The following NEMP2 variants were observed in gnomAD, a reference collection of about 807,000 sequenced individuals.
The protein encoded by NEMP2 is UPF0571 transmembrane protein.
NEMP2 carries 53 observed loss-of-function variants against 54.2 expected under a neutral mutation model. That is an observed-to-expected ratio of 0.98 (90% confidence interval 0.78 to 1.23). The LOEUF is 1.23. Ranked by LOEUF, NEMP2 falls within the 50% of genes most tolerant of loss-of-function variation. The pLI is 0.00. For missense variants in NEMP2, 455 were observed against 511.3 expected, an observed-to-expected ratio of 0.89 and a Z score of 1.06; for synonymous variants, 197 against 190.3, an observed-to-expected ratio of 1.04 and a Z score of -0.29.
the NEMP2 span, among the ~76,000 whole-genome samples, chr2:190,443,751 G>T: frequency 8.8e-3 from 1,338 of 152,212 alleles, 10 homozygotes; most frequent in South Asian, 0.06. This position sits in a 1 kb window ranked among gnomAD's most constrained non-coding sequence, Gnocchi z 4.2. Flanking sequence ...TATAAACAAA[G>T]GTTGTCTTCT....
the NEMP2 span, among the ~76,000 whole-genome samples, chr2:190,440,395 A>T: frequency 6.6e-6 from 1 of 152,226 alleles, no homozygotes; most frequent in Non-Finnish European, 1.5e-5. Context: ...GGCAAATAGG[A>T]TAATAATGCT....
chr2:190,622,177 G>C, the NEMP2 span, among the ~76,000 whole-genome samples: 1 of 152,018 alleles, frequency 6.6e-6, no homozygotes, highest in Non-Finnish European at 1.5e-5. Context: ...CTGATGTTGG[G>C]GGATCACTTG....
the NEMP2 span, among the ~76,000 whole-genome samples, chr2:190,474,770 G>C: frequency 1.3e-5 from 2 of 152,108 alleles, no homozygotes; most frequent in Admixed American, 1.3e-4. Context: ...CCAAAAAAGA[G>C]AATTTTAGAC....
chr2:190,648,743 C>T, the NEMP2 span, among the ~76,000 whole-genome samples: 1 of 151,122 alleles, frequency 6.6e-6, no homozygotes, highest in Non-Finnish European at 1.5e-5. Flanking sequence ...TCGCGGGAGC[C>T]GCCCACTCCC....
At chr2:190,472,667 G>T in the NEMP2 span, among the ~76,000 whole-genome samples, 1 of 152,170 alleles carries the variant, frequency 6.6e-6, no homozygotes, top group African/African-American at 2.4e-5. Flanking sequence ...CACTCTGCAG[G>T]ATATTATCCA....
At chr2:190,515,328 G>C (rs146964458) in intron 6 of NEMP2, among the ~76,000 whole-genome samples, 1 of 152,192 alleles carries the variant, frequency 6.6e-6, no homozygotes, top group Admixed American at 6.5e-5. Flanking sequence ...AGATTCTACA[G>C]GACAAGCTTG....
chr2:190,627,558 C>A, the NEMP2 span, among the ~76,000 whole-genome samples: 3 of 151,024 alleles, frequency 2.0e-5, no homozygotes, highest in East Asian at 3.9e-4. This position sits in a 1 kb window ranked among gnomAD's most constrained non-coding sequence, Gnocchi z 4.4. Context: ...TACATCAACA[C>A]TTACTTCATT....
the NEMP2 span, among the ~76,000 whole-genome samples, chr2:190,493,557 A>T: frequency 3.3e-5 from 5 of 152,204 alleles, no homozygotes; most frequent in Non-Finnish European, 7.4e-5. Flanking sequence ...AGAACATTCT[A>T]CCCAACAACT....
chr2:190,455,193 C>A, the NEMP2 span, among the ~76,000 whole-genome samples: 2 of 152,062 alleles, frequency 1.3e-5, no homozygotes, highest in Non-Finnish European at 2.9e-5. Context: ...AAAATAGAGA[C>A]TAGTATCATT....
chr2:190,426,108 A>G, the NEMP2 span, among the ~76,000 whole-genome samples: 2 of 152,130 alleles, frequency 1.3e-5, no homozygotes, highest in Admixed American at 6.6e-5. The surrounding 1 kb of genome is among the most constrained non-coding windows in gnomAD (Gnocchi z 4.7). Context: ...TGCCAATTTG[A>G]GAAGTTTTTA....
the NEMP2 span, among the ~76,000 whole-genome samples, chr2:190,440,289 A>G: frequency 3.3e-5 from 5 of 152,326 alleles, no homozygotes; most frequent in African/African-American, 1.2e-4. Context: ...CCAGTTTCTC[A>G]GGGACTGACC....
chr2:190,587,009 C>T, the NEMP2 span, among the ~76,000 whole-genome samples: 1 of 152,266 alleles, frequency 6.6e-6, no homozygotes, highest in Admixed American at 6.5e-5. This position sits in a 1 kb window ranked among gnomAD's most constrained non-coding sequence, Gnocchi z 5.4. Flanking sequence ...TAAGTTCCCA[C>T]CACTTCCATG....
chr2:190,537,840 T>A (rs1691426495), upstream of NEMP2, among the ~76,000 whole-genome samples: 1 of 152,210 alleles, frequency 6.6e-6, no homozygotes, highest in African/African-American at 2.4e-5. Context: ...CCAGGGCATG[T>A]CGGAGACCTT....
the NEMP2 span, among the ~76,000 whole-genome samples, chr2:190,430,167 G>T: frequency 1.7e-4 from 26 of 151,630 alleles, no homozygotes; most frequent in Admixed American, 3.9e-4. Flanking sequence ...CCCTGCAAAG[G>T]ACATGAACGC....
chr2:190,603,585 T>A, the NEMP2 span, among the ~76,000 whole-genome samples: 78 of 145,866 alleles, frequency 5.3e-4, no homozygotes, highest in African/African-American at 2.0e-3. Flanking sequence ...TGGCATCTAG[T>A]ATGCAATGCA....
At chr2:190,600,060 G>A in the NEMP2 span, among the ~76,000 whole-genome samples, 4 of 152,096 alleles carry the variant, frequency 2.6e-5, no homozygotes, top group Non-Finnish European at 5.9e-5. This position sits in a 1 kb window ranked among gnomAD's most constrained non-coding sequence, Gnocchi z 4.9. Context: ...TGGTCTGAGC[G>A]GTACAGAGCA....
At chr2:190,526,367 T>C (rs951004042) in intron 1 of NEMP2, among the ~76,000 whole-genome samples, 1 of 152,058 alleles carries the variant, frequency 6.6e-6, no homozygotes, top group Non-Finnish European at 1.5e-5. Flanking sequence ...TTCCAGGCAC[T>C]AAGCGGGGAA....
the NEMP2 span, among the ~76,000 whole-genome samples, chr2:190,430,175 C>T: frequency 1.9e-4 from 28 of 151,304 alleles, no homozygotes; most frequent in South Asian, 1.0e-3. Flanking sequence ...AGGACATGAA[C>T]GCATCCTTTT....
chr2:190,566,808 G>GT, the NEMP2 span, among the ~76,000 whole-genome samples: 5 of 151,924 alleles, frequency 3.3e-5, no homozygotes, highest in Admixed American at 6.6e-5. Flanking sequence ...AATATAGGGG[G>GT]TTTTTTCCCC....
Sources: allele counts gnomAD v4.1 joint callset (sites outside exome capture counted in the v4.1 genomes callset), GRCh38; gene constraint gnomAD v4.1.1; non-coding constraint Gnocchi (gnomAD v3.1); transcripts MANE v1.5; gene names NCBI Gene and HGNC (gene_info 2026-07-23, HGNC 2026-07-21).